Variants in IL1R1 observed in about 807,000 individuals in gnomAD.
The protein encoded by IL1R1 is interleukin-1 receptor type 1.
IL1R1 carries 22 observed loss-of-function variants against 50.2 expected under a neutral mutation model. That is an observed-to-expected ratio of 0.44 (90% CI 0.31 to 0.63). The LOEUF (loss-of-function observed/expected upper bound fraction) is 0.63. IL1R1 is among the 20% of genes least tolerant of loss of function. The pLI is 0.07. For synonymous variants in IL1R1, 251 were observed against 236.7 expected, an observed-to-expected ratio of 1.06 and a Z score of -0.55; for missense variants, 509 against 676.2, an observed-to-expected ratio of 0.75 and a Z score of 2.74.
In IL1R1 at chr2:102,084,630, A is replaced by G. The variant is rs887571249; in HGVS notation, c.-84+14097A>G. Among the ~76,000 whole-genome samples, 3 of 152,234 alleles carry G rather than the reference A, an allele frequency of 2.0e-5. No individual in the cohort carries two copies. The East Asian group carries it at 5.8e-4, about 29-fold the overall frequency. The stretch of plus-strand genomic sequence containing the variant: ...TGAATATGCTATGATTTATTAATAC[A>G]TTGTACTGCTGATGAACATTTGGAT... On this transcript the variant is annotated intron_variant, in intron 1 of 11. Transcript: ENST00000409929.
At chr2:102,098,915 A>G (rs1425219959) in intron 1 of IL1R1, among the ~76,000 whole-genome samples, 2 of 152,218 alleles carry the variant, frequency 1.3e-5, no homozygotes, top group African/African-American at 4.8e-5. Context: ...TGTTGAAGAC[A>G]ATACAGTTTC....
At chr2:102,156,082 G>A (rs1321387010) in intron 2 of IL1R1, 1 of 152,170 alleles carries the variant, frequency 6.6e-6, no homozygotes, top group Non-Finnish European at 1.5e-5. Context: ...CAAATAGCTG[G>A]TTGGCCTGGA....
intron 1 of IL1R1, among the ~76,000 whole-genome samples, chr2:102,151,252 A>G (rs558441968): frequency 1.9e-4 from 29 of 152,152 alleles, no homozygotes; most frequent in African/African-American, 5.5e-4. Context: ...CTCCTTGTGT[A>G]GGATTCTACC....
At chr2:102,084,087 A>G (rs1221950530) in intron 1 of IL1R1, among the ~76,000 whole-genome samples, 1 of 152,152 alleles carries the variant, frequency 6.6e-6, no homozygotes, top group Non-Finnish European at 1.5e-5. Flanking sequence ...GCGACTCTGA[A>G]TCTCTCGCAA....
intron 1 of IL1R1, among the ~76,000 whole-genome samples, chr2:102,110,436 C>G (rs1031297268): frequency 7.0e-6 from 1 of 142,152 alleles, no homozygotes; most frequent in Admixed American, 7.1e-5. Flanking sequence ...CCCACCCCCC[C>G]ACCCCACCAG....
At position 102,176,755 on chromosome 2, in the gene IL1R1, G is replaced by A; in HGVS notation, c.1706G>A (p.Gly569Glu). Residue 569 changes from glycine (G) to glutamate (E), a missense_variant, in exon 12 of 12, where the codon GGG becomes GAG. Gly to Glu is a moderately conservative substitution (Grantham distance 98, BLOSUM62 -2). Coordinates refer to ENST00000410023, the MANE Select transcript of IL1R1 (RefSeq NM_000877.4). ...CAAAGAGAGGCTCACGTGCCTCTCG[G>A]GTAGCATGGAGAAGTTGCCAAGAGT... Reference protein sequence around the residue: ...KLQREAHVPLG With the variant: ...KLQREAHVPLE 1 of 1,613,004 alleles carries A rather than the reference G, an allele frequency of 6.2e-7. No individual in the cohort carries two copies. Among genetic ancestry groups the A allele is most frequent in the Non-Finnish European group, 8.5e-7 (1 of 1,179,080 alleles).
At chr2:102,145,068 G>A (rs1256744505) in intron 1 of IL1R1, among the ~76,000 whole-genome samples, 1 of 152,214 alleles carries the variant, frequency 6.6e-6, no homozygotes, top group Non-Finnish European at 1.5e-5. Flanking sequence ...GACAATTGCG[G>A]TGAAACTACC....
intron 3 of IL1R1, among the ~76,000 whole-genome samples, chr2:102,160,163 A>G (rs1171446654): frequency 6.6e-6 from 1 of 152,128 alleles, no homozygotes; most frequent in Non-Finnish European, 1.5e-5. Flanking sequence ...AGTCTGGAAA[A>G]TTTGCTCATT....
At chr2:102,113,940 G>T (rs1160802209) in intron 1 of IL1R1, among the ~76,000 whole-genome samples, 1 of 152,174 alleles carries the variant, frequency 6.6e-6, no homozygotes, top group Non-Finnish European at 1.5e-5. Context: ...TTGAACATGG[G>T]TCTGTTGGAT....
chr2:102,176,465 A>C lies in IL1R1; in HGVS notation c.1416A>C (p.Ile472=). The C allele has an allele frequency of 6.2e-7, 1 of 1,614,226 alleles. No homozygotes were observed. Among genetic ancestry groups the C allele is most frequent in the Non-Finnish European group, 8.5e-7 (1 of 1,180,024 alleles). ...TGGGTGGTTCATCTGAAGAGCAAAT[A>C]GCCATGTATAATGCTCTTGTTCAGG... ...SWLGGSSEEQ[I]AMYNALVQDG... The change falls in exon 12 of 12, where the codon ATA becomes ATC. Residue 472 remains isoleucine (I), a synonymous_variant. Coordinates refer to ENST00000410023, the MANE Select transcript of IL1R1 (RefSeq NM_000877.4).
chr2:102,176,565 A>G lies in IL1R1; in HGVS notation c.1516A>G (p.Ile506Val). ...GAAAATGCCAGAATCGATTAAATTC[A>G]TTAAGCAGAAACATGGGGCTATCCG... The part of the protein sequence containing the change: ...YEKMPESIKF[I>V]KQKHGAIRWS... Residue 506 changes from isoleucine to valine, a missense_variant, in exon 12 of 12, where the codon ATT becomes GTT. By Grantham distance (29) the Ile-to-Val change is conservative. Transcript: ENST00000410023. 6.2e-7 allele frequency: 1 copy of G among 1,614,214 alleles called. No individual in the cohort carries two copies. Among genetic ancestry groups the G allele is most frequent in the Non-Finnish European group, 8.5e-7 (1 of 1,180,034 alleles).
At chr2:102,130,074 T>A (rs1166467898) in intron 1 of IL1R1, among the ~76,000 whole-genome samples, 1 of 152,240 alleles carries the variant, frequency 6.6e-6, no homozygotes, top group Non-Finnish European at 1.5e-5. Context: ...ATCTCTTTAA[T>A]GCATTGCTCA....
chr2:102,164,332 A>T (rs1034696001), intron 3 of IL1R1, among the ~76,000 whole-genome samples: 1 of 151,710 alleles, frequency 6.6e-6, no homozygotes, highest in African/African-American at 2.4e-5. Context: ...GTAATTTTGG[A>T]CACCTCCTTT....
At chr2:102,105,783 C>G (rs527648291) in intron 1 of IL1R1, among the ~76,000 whole-genome samples, 11 of 152,298 alleles carry the variant, frequency 7.2e-5, no homozygotes, top group African/African-American at 2.6e-4. Flanking sequence ...ATCTTAAAAG[C>G]CTGATCATAT....
intron 1 of IL1R1, among the ~76,000 whole-genome samples, chr2:102,152,936 C>T (rs919524197): frequency 3.3e-5 from 5 of 151,928 alleles, no homozygotes; most frequent in Non-Finnish European, 5.9e-5. Flanking sequence ...ATTAAAAGGC[C>T]TTGTGCTTAG....
intron 1 of IL1R1, among the ~76,000 whole-genome samples, chr2:102,145,217 C>G (rs1235082868): frequency 6.6e-6 from 1 of 152,194 alleles, no homozygotes; most frequent in African/African-American, 2.4e-5. Flanking sequence ...CAGGATGCTA[C>G]CCATCTGTTG....
chr2:102,070,622 C>T (rs529046474), intron 1 of IL1R1: 1 of 152,160 alleles, frequency 6.6e-6, no homozygotes, highest in African/African-American at 2.4e-5. Flanking sequence ...AGAGTTGGCC[C>T]CATGGAATTC....
At chr2:102,127,885 A>C (rs1681812683) in intron 1 of IL1R1, among the ~76,000 whole-genome samples, 1 of 152,202 alleles carries the variant, frequency 6.6e-6, no homozygotes, top group Non-Finnish European at 1.5e-5. Context: ...AAACAAAACC[A>C]CTTTCACATG....
chr2:102,150,375 G>A (rs1683543569), intron 1 of IL1R1, among the ~76,000 whole-genome samples: 1 of 151,978 alleles, frequency 6.6e-6, no homozygotes, highest in Non-Finnish European at 1.5e-5. Flanking sequence ...GCTTCTGTTG[G>A]GGGCCAATAT....
Sources: gnomAD v4.1 joint callset for allele counts (sites outside exome capture counted in the v4.1 genomes callset) on GRCh38, gnomAD v4.1.1 for gene constraint, MANE v1.5 for transcripts, NCBI Gene and HGNC (gene_info 2026-07-23, HGNC 2026-07-21) for gene names.